Variants in AOPEP observed in about 807,000 individuals in gnomAD.
AOPEP encodes the protein aminopeptidase O.
In AOPEP, 77 loss-of-function variants were observed where a neutral mutation model predicts 98.1. The ratio of observed to expected loss-of-function variants is 0.78; its 90% CI spans 0.65 to 0.95. The LOEUF (loss-of-function observed/expected upper bound fraction) is 0.95, where lower values mean the gene tolerates loss of function less well. Ranked by LOEUF, AOPEP falls within the 40% of genes least tolerant of loss-of-function variation. The pLI is 0.00. For synonymous variants in AOPEP, 346 were observed against 365.3 expected (o/e 0.95, Z 0.60); for missense variants, 1,024 against 1,024.7 (o/e 1.00, Z 0.01).
At chr9:94,845,139 A>T (rs2042706006) in intron 5 of AOPEP, among the ~76,000 whole-genome samples, 1 of 152,218 alleles carries the variant, frequency 6.6e-6, no homozygotes, top group Admixed American at 6.5e-5. Flanking sequence ...CTATGAAGAG[A>T]AATAAAGCAG....
chr9:95,108,314 C>T, the AOPEP span, among the ~76,000 whole-genome samples: 27 of 152,360 alleles, frequency 1.8e-4, no homozygotes, highest in African/African-American at 5.0e-4. Context: ...ACTCTCCCCA[C>T]CTCGCCCCTC....
chr9:94,952,151 T>C (rs924263831), intron 7 of AOPEP, among the ~76,000 whole-genome samples: 1 of 152,246 alleles, frequency 6.6e-6, no homozygotes, highest in African/African-American at 2.4e-5. Context: ...CTCAGGTGCA[T>C]AGGGCTTAGT....
At chr9:95,071,995 A>G (rs1341157137) in intron 14 of AOPEP, among the ~76,000 whole-genome samples, 2 of 152,264 alleles carry the variant, frequency 1.3e-5, no homozygotes, top group East Asian at 3.9e-4. Context: ...AAGCTGGCCC[A>G]AACCCACTCG....
At chr9:94,837,402 C>A (rs1045750192) in intron 5 of AOPEP, among the ~76,000 whole-genome samples, 8 of 152,186 alleles carry the variant, frequency 5.3e-5, no homozygotes, top group Non-Finnish European at 7.3e-5. Context: ...CTGCATGATT[C>A]TATGAAGCCA....
chr9:94,815,534 G>A (rs1851520688), intron 5 of AOPEP, among the ~76,000 whole-genome samples: 1 of 152,050 alleles, frequency 6.6e-6, no homozygotes, highest in South Asian at 2.1e-4. Flanking sequence ...TCAGGCCTCA[G>A]TTATGGCCAT....
At chr9:95,105,973 T>G in the AOPEP span, among the ~76,000 whole-genome samples, 1 of 152,250 alleles carries the variant, frequency 6.6e-6, no homozygotes, top group Non-Finnish European at 1.5e-5. Flanking sequence ...TTCGGCTCTC[T>G]GGGTTATAGA....
At chr9:95,134,475 T>C in the AOPEP span, among the ~76,000 whole-genome samples, 1 of 152,080 alleles carries the variant, frequency 6.6e-6, no homozygotes, top group African/African-American at 2.4e-5. Context: ...GAACTCACTT[T>C]CTCCACTTGC....
chr9:94,976,119 G>A (rs1277627163), intron 10 of AOPEP, among the ~76,000 whole-genome samples: 7 of 152,228 alleles, frequency 4.6e-5, no homozygotes, highest in Middle Eastern at 3.4e-3. Flanking sequence ...CTCTACAGGC[G>A]CTGGTAGCAT....
chr9:95,140,201 G>A, the AOPEP span, among the ~76,000 whole-genome samples: 277 of 152,162 alleles, frequency 1.8e-3, 2 homozygotes, highest in African/African-American at 6.3e-3. Context: ...ATGAGCAGTA[G>A]GCTTCCAGTC....
chr9:95,037,984 G>A (rs763628397), intron 13 of AOPEP, among the ~76,000 whole-genome samples: 5 of 152,076 alleles, frequency 3.3e-5, no homozygotes, highest in African/African-American at 7.2e-5. Context: ...AAAGGTGCTC[G>A]GTGTGGGAAA....
intron 14 of AOPEP, among the ~76,000 whole-genome samples, chr9:95,072,732 G>T (rs973715947): frequency 6.6e-5 from 10 of 152,240 alleles, no homozygotes; most frequent in African/African-American, 2.4e-4. Context: ...AAATAAGGGT[G>T]AGGCCCCTTT....
intron 5 of AOPEP, among the ~76,000 whole-genome samples, chr9:94,826,582 C>T (rs1465898095): frequency 2.0e-5 from 3 of 152,294 alleles, no homozygotes; most frequent in Non-Finnish European, 2.9e-5. Context: ...TGACACATTG[C>T]ACAGGTGATT....
chr9:94,765,207 C>T lies in AOPEP; in HGVS notation c.797+4627C>T, dbSNP rs1001848476. ...CGAACTCCTGGGCCCAAGCATTCCT[C>T]CCACCTCAGCCTCCCAAAGTGCTGG... On this transcript the variant is annotated intron_variant, in intron 2 of 16. Coordinates refer to ENST00000375315, the MANE Select transcript of AOPEP (RefSeq NM_001193329.3). Among the ~76,000 whole-genome samples the T allele has an allele frequency of 2.6e-5, 4 of 152,008 alleles. No individual in the cohort carries two copies. In the East Asian group the frequency reaches 5.8e-4, roughly 22 times the overall value.
At position 94,769,970 on chromosome 9, in the gene AOPEP, A is replaced by C. The variant is rs146122553; in HGVS notation, c.798-3032A>C. 3.9e-5 allele frequency among the ~76,000 whole-genome samples: 6 copies of C among 152,382 alleles called. No individual in the cohort carries two copies. The East Asian group carries it at 1.2e-3, about 29-fold the overall frequency. ...GGTGGATTTTAATCCAGTTGGTGGA[A>C]GGACCAGCCCCCCATCGACTGACTC... On this transcript the variant is annotated intron_variant, in intron 2 of 16. Coordinates refer to ENST00000375315, the MANE Select transcript of AOPEP (RefSeq NM_001193329.3).
chr9:95,121,216 C>T, the AOPEP span, among the ~76,000 whole-genome samples: 1 of 152,220 alleles, frequency 6.6e-6, no homozygotes, highest in East Asian at 1.9e-4. Context: ...ACTGGCTGTA[C>T]TGAGCCACAG....
intron 13 of AOPEP, chr9:95,022,324 A>G (rs1365939264): frequency 1.3e-5 from 2 of 152,166 alleles, no homozygotes; most frequent in Non-Finnish European, 2.9e-5. Flanking sequence ...AACTGTTGCC[A>G]GCATATTTGG....
chr9:95,108,319 C>A, the AOPEP span, among the ~76,000 whole-genome samples: 3 of 152,228 alleles, frequency 2.0e-5, no homozygotes, highest in African/African-American at 7.2e-5. Flanking sequence ...CCCCACCTCG[C>A]CCCTCAGCCG....
chr9:95,149,004 G>T, the AOPEP span, among the ~76,000 whole-genome samples: 2 of 151,906 alleles, frequency 1.3e-5, no homozygotes, highest in Admixed American at 1.3e-4. Flanking sequence ...GCAGATATGA[G>T]AATTCAGCAG....
chr9:95,099,003 C>G, the AOPEP span: 1 of 176,546 alleles, frequency 5.7e-6, no homozygotes, highest in East Asian at 9.6e-5. Flanking sequence ...CTGGGGCCAT[C>G]GGGGGAGCTT....
Sources: gnomAD v4.1 joint callset for allele counts (sites outside exome capture counted in the v4.1 genomes callset) on GRCh38, gnomAD v4.1.1 for gene constraint, MANE v1.5 for transcripts, NCBI Gene and HGNC (gene_info 2026-07-23, HGNC 2026-07-21) for gene names.